KCNAB1: variants seen among roughly 807,000 people sequenced by gnomAD.
The protein encoded by KCNAB1 is voltage-gated potassium channel subunit beta-1.
A neutral mutation model predicts 64.6 loss-of-function variants in KCNAB1; 35 were observed. The ratio of observed to expected loss-of-function variants is 0.54; its 90% CI spans 0.41 to 0.72. The LOEUF is 0.72. Among genes scored for constraint, KCNAB1 ranks in the 30% least tolerant of loss-of-function variants. KCNAB1 has a pLI of 0.00. For synonymous variants in KCNAB1, 177 were observed against 183.8 expected, an observed-to-expected ratio of 0.96 and a Z score of 0.30; for missense variants, 401 against 512.9, an observed-to-expected ratio of 0.78 and a Z score of 2.11.
intron 1 of KCNAB1, among the ~76,000 whole-genome samples, chr3:156,404,422 C>T (rs182443576): frequency 6.6e-6 from 1 of 152,266 alleles, no homozygotes; most frequent in Admixed American, 6.5e-5. Flanking sequence ...TTCCCCTTGA[C>T]AGCATACAAA....
intron 1 of KCNAB1, among the ~76,000 whole-genome samples, chr3:156,341,640 C>T (rs768500379): frequency 6.6e-6 from 1 of 152,112 alleles, no homozygotes; most frequent in Admixed American, 6.6e-5. Flanking sequence ...TGTCCATTAA[C>T]ATCAAATTTT....
intron 1 of KCNAB1, among the ~76,000 whole-genome samples, chr3:156,392,745 A>G (rs1713139683): frequency 6.6e-6 from 1 of 152,226 alleles, no homozygotes; most frequent in Non-Finnish European, 1.5e-5. Context: ...GGAATGATCA[A>G]AGGACATTTT....
At chr3:156,422,007 A>G (rs1715496894) in intron 2 of KCNAB1, among the ~76,000 whole-genome samples, 1 of 151,920 alleles carries the variant, frequency 6.6e-6, no homozygotes, top group Non-Finnish European at 1.5e-5. Flanking sequence ...ATTCACCTGA[A>G]TTTTTTCTAT....
intron 1 of KCNAB1, among the ~76,000 whole-genome samples, chr3:156,130,363 G>A (rs1163097688): frequency 6.6e-6 from 1 of 152,174 alleles, no homozygotes; most frequent in East Asian, 1.9e-4. Context: ...GCCTTCCTGG[G>A]TGAGCTGACC....
At chr3:156,343,450 A>G (rs1362239317) in intron 1 of KCNAB1, among the ~76,000 whole-genome samples, 2 of 152,294 alleles carry the variant, frequency 1.3e-5, no homozygotes, top group Non-Finnish European at 2.9e-5. Context: ...CATGAAGTAT[A>G]CTCAGAGACC....
At chr3:156,475,143 T>C (rs1576914558) in intron 8 of KCNAB1, among the ~76,000 whole-genome samples, 1 of 152,224 alleles carries the variant, frequency 6.6e-6, no homozygotes, top group East Asian at 1.9e-4. Context: ...GCTTTATAAC[T>C]CAGCCATCAT....
chr3:156,196,590 T>C (rs1713965602), intron 1 of KCNAB1, among the ~76,000 whole-genome samples: 4 of 152,208 alleles, frequency 2.6e-5, no homozygotes, highest in Admixed American at 2.6e-4. Context: ...GGGAGTTTAC[T>C]CATGATTTGG....
At chr3:156,311,932 G>A (rs1576709899) in intron 1 of KCNAB1, among the ~76,000 whole-genome samples, 1 of 152,164 alleles carries the variant, frequency 6.6e-6, no homozygotes, top group East Asian at 1.9e-4. Flanking sequence ...CCTGTTGACG[G>A]CTATCCATTC....
chr3:156,372,485 A>G (rs184235367), intron 1 of KCNAB1, among the ~76,000 whole-genome samples: 10 of 152,340 alleles, frequency 6.6e-5, no homozygotes, highest in Admixed American at 2.0e-4. Context: ...TTCTGATTCA[A>G]TAGGTCTAGT....
chr3:156,120,712 C>CCT lies in KCNAB1; in HGVS notation c.101_102insCT (p.Pro35PhefsTer35), dbSNP rs1560095760. ...TTTTCTGTAGCAGGGAAAGACAAAT[C>CCT]TCCCAAGAAAGCCTCAGAAAACGCT... is the stretch of plus-strand genomic sequence containing the variant. On this transcript the variant is annotated frameshift_variant, in exon 1 of 14. Coordinates refer to ENST00000490337, the MANE Select transcript of KCNAB1 (RefSeq NM_172160.3). LOFTEE classifies it high-confidence loss of function. The CCT allele has an allele frequency of 6.2e-7, 1 of 1,614,220 alleles. No individual in the cohort carries two copies. Among genetic ancestry groups the CCT allele is most frequent in the Non-Finnish European group, 8.5e-7 (1 of 1,180,032 alleles).
chr3:156,420,952 C>T (rs1032080798), intron 1 of KCNAB1, among the ~76,000 whole-genome samples: 4 of 149,994 alleles, frequency 2.7e-5, no homozygotes, highest in African/African-American at 9.8e-5. Flanking sequence ...TATATACACA[C>T]ACACACATAT....
chr3:156,447,472 A>G (rs1006234483), intron 2 of KCNAB1, among the ~76,000 whole-genome samples: 2 of 152,164 alleles, frequency 1.3e-5, no homozygotes, highest in East Asian at 3.8e-4. Context: ...AAAGTGAGGA[A>G]ATGTTAACTG....
chr3:156,187,117 G>T (rs1713253153), intron 1 of KCNAB1, among the ~76,000 whole-genome samples: 1 of 152,206 alleles, frequency 6.6e-6, no homozygotes, highest in Non-Finnish European at 1.5e-5. Context: ...GCTTCCCAAA[G>T]TGTTGGGATT....
chr3:156,134,079 C>G (rs1376077737), intron 1 of KCNAB1, among the ~76,000 whole-genome samples: 1 of 152,148 alleles, frequency 6.6e-6, no homozygotes, highest in Non-Finnish European at 1.5e-5. Context: ...ATACCTGAAA[C>G]TTTCTAATTT....
intron 1 of KCNAB1, among the ~76,000 whole-genome samples, chr3:156,275,659 C>A (rs896355041): frequency 6.6e-6 from 1 of 152,152 alleles, no homozygotes. Context: ...AGCATCTTTA[C>A]CAGGAGTAGA....
intron 1 of KCNAB1, among the ~76,000 whole-genome samples, chr3:156,218,661 A>T (rs1227394690): frequency 6.6e-6 from 1 of 151,908 alleles, no homozygotes; most frequent in East Asian, 1.9e-4. Context: ...ACCTCCACTG[A>T]AGCAGGTGCT....
intron 12 of KCNAB1, 75 bp from the exon 13 acceptor site, chr3:156,531,334 C>A: frequency 9.2e-7 from 1 of 1,091,190 alleles, no homozygotes; most frequent in Non-Finnish European, 1.4e-6. Flanking sequence ...CAACAAACAG[C>A]TGTAGCAGGT....
chr3:156,496,365 T>C (rs1419390659), intron 8 of KCNAB1, among the ~76,000 whole-genome samples: 1 of 152,060 alleles, frequency 6.6e-6, no homozygotes, highest in African/African-American at 2.4e-5. Flanking sequence ...GCTGTTCTCA[T>C]GATGGTGAAT....
intron 7 of KCNAB1, among the ~76,000 whole-genome samples, chr3:156,467,573 A>G (rs1044830677): frequency 3.3e-5 from 5 of 152,080 alleles, no homozygotes; most frequent in African/African-American, 9.7e-5. Context: ...CCTTTTCTCT[A>G]TGGTTGTACT....
Sources: gnomAD v4.1 joint callset for allele counts (sites outside exome capture counted in the v4.1 genomes callset) on GRCh38, gnomAD v4.1.1 for gene constraint, MANE v1.5 for transcripts, NCBI Gene and HGNC (gene_info 2026-07-23, HGNC 2026-07-21) for gene names.